TRMT9B: variants seen among roughly 807,000 people sequenced by gnomAD.
TRMT9B encodes tRNA methyltransferase 9B (putative).
TRMT9B carries 16 observed loss-of-function variants against 11.5 expected under a neutral mutation model. The observed-to-expected ratio is 1.39, with a 90% CI of 0.94 to 2.11. The LOEUF is 2.11. Ranked by LOEUF, TRMT9B falls within the 30% of genes most tolerant of loss-of-function variation. The pLI is 0.00. For synonymous variants in TRMT9B, 274 were observed against 192.4 expected (o/e 1.42, Z -3.51); for missense variants, 941 against 553.8 (o/e 1.70, Z -7.02).
intron 2 of TRMT9B, among the ~76,000 whole-genome samples, chr8:13,001,842 G>A (rs1336750720): frequency 6.6e-6 from 1 of 152,144 alleles, no homozygotes; most frequent in Non-Finnish European, 1.5e-5. Context: ...GAATTTGACA[G>A]CACACAGATT....
chr8:12,993,143 A>G (rs1200230513), intron 2 of TRMT9B, among the ~76,000 whole-genome samples: 7 of 152,216 alleles, frequency 4.6e-5, no homozygotes, highest in Non-Finnish European at 8.8e-5. Context: ...GTTGCACGAT[A>G]TAAGACTGCA....
intron 1 of TRMT9B, among the ~76,000 whole-genome samples, chr8:12,985,652 G>T (rs75742474): frequency 6.6e-6 from 1 of 152,202 alleles, no homozygotes; most frequent in East Asian, 1.9e-4. Flanking sequence ...CCTAGTAGGT[G>T]CTTAGTCAAC....
intron 3 of TRMT9B, among the ~76,000 whole-genome samples, chr8:13,008,695 A>T (rs1810962411): frequency 6.6e-6 from 1 of 152,190 alleles, no homozygotes; most frequent in Non-Finnish European, 1.5e-5. Flanking sequence ...AACTAAGTAA[A>T]AATATCTGCA....
rs201998102 is a variant in TRMT9B at position 13,012,681 on chromosome 8, T to C, written c.155-3T>C. 1.1e-4 allele frequency: 175 copies of C among 1,611,078 alleles called. 1 individual carries two copies. In the East Asian group the frequency reaches 3.5e-3, roughly 32 times the overall value. ...GCATGTAACGCAGGTTTTTCTCTTA[T>C]AGGTTGTGGGACTGGAAAATATCTT... On this transcript the variant is annotated splice_region_variant and splice_polypyrimidine_tract_variant and intron_variant, in intron 3 of 4. Transcript: ENST00000524591.
chr8:13,015,652 G>C (rs1250829838), intron 4 of TRMT9B, among the ~76,000 whole-genome samples: 2 of 152,018 alleles, frequency 1.3e-5, no homozygotes, highest in Admixed American at 1.3e-4. Flanking sequence ...CCACGCCCAG[G>C]CTAAATTCCT....
intron 1 of TRMT9B, among the ~76,000 whole-genome samples, chr8:12,989,886 C>T (rs1423638208): frequency 6.6e-6 from 1 of 152,110 alleles, no homozygotes; most frequent in African/African-American, 2.4e-5. Flanking sequence ...AGATCATGTG[C>T]CTACATATGA....
At chr8:12,961,842 A>G (rs1802157101) in intron 1 of TRMT9B, 1 of 152,256 alleles carries the variant, frequency 6.6e-6, no homozygotes, top group African/African-American at 2.4e-5. Context: ...CAGAGGAAAC[A>G]TCTAATCAGC....
At chr8:12,966,842 G>T (rs1185467134) in intron 1 of TRMT9B, among the ~76,000 whole-genome samples, 1 of 152,172 alleles carries the variant, frequency 6.6e-6, no homozygotes, top group Non-Finnish European at 1.5e-5. Flanking sequence ...CAGTGGGGAA[G>T]TCTGCAGGCC....
intron 1 of TRMT9B, among the ~76,000 whole-genome samples, chr8:12,989,750 C>T (rs1259841895): frequency 6.6e-6 from 1 of 152,218 alleles, no homozygotes; most frequent in African/African-American, 2.4e-5. Flanking sequence ...TAGCAAACAT[C>T]ATCTCTCTTA....
intron 1 of TRMT9B, among the ~76,000 whole-genome samples, chr8:12,985,489 G>T (rs1206816001): frequency 1.3e-5 from 2 of 152,144 alleles, no homozygotes; most frequent in Non-Finnish European, 2.9e-5. Context: ...AATATTGCTT[G>T]CTGTCTATAC....
intron 1 of TRMT9B, among the ~76,000 whole-genome samples, chr8:12,976,101 G>C (rs1269824114): frequency 6.6e-6 from 1 of 152,216 alleles, no homozygotes; most frequent in African/African-American, 2.4e-5. Flanking sequence ...CCCCAGGGAA[G>C]CTCCACCATG....
Position 13,028,562 on chromosome 8 carries a change from C to CTCTTTTCTTTTTTCTTT in TRMT9B, c.*6529_*6530insTTCTTTTCTTTTCTTTT, listed in dbSNP as rs71207113. The CTCTTTTCTTTTTTCTTT allele has an allele frequency of 2.5e-5, 3 of 122,238 alleles. No individual in the cohort carries two copies. The highest frequency in any genetic ancestry group is 1.8e-5 in the Non-Finnish European group (1 of 56,740). The allele number at this position is 122,238 out of a possible 1,614,324, so 7.6% of individuals were successfully genotyped here. A position where few individuals can be genotyped will look rare whatever the true frequency, so the allele number is the denominator to read the frequency against. Reference sequence around the variant, plus strand: ...ATTTGGCTAAGTGATAAGCACTTTTCTCTTTTCTTTTCTTTTTTTTTTTTT... The same window carrying CTCTTTTCTTTTTTCTTT: ...ATTTGGCTAAGTGATAAGCACTTTTCTCTTTTCTTTTTTCTTTTCTTTTCTTTTCTTTTTTTTTTTTT... On this transcript the variant is annotated 3_prime_UTR_variant, in exon 5 of 5. Coordinates refer to ENST00000524591, the MANE Select transcript of TRMT9B (RefSeq NM_020844.3).
chr8:12,950,641 CA>C (rs1460676776), intron 1 of TRMT9B, among the ~76,000 whole-genome samples: 1 of 152,010 alleles, frequency 6.6e-6, no homozygotes, highest in Non-Finnish European at 1.5e-5. Context: ...GAAGCCCAAA[CA>C]AAGGTTTCCC....
intron 4 of TRMT9B, among the ~76,000 whole-genome samples, chr8:13,018,971 G>A (rs1299820925): frequency 6.6e-6 from 1 of 152,112 alleles, no homozygotes; most frequent in Non-Finnish European, 1.5e-5. Context: ...TACAGTATTA[G>A]AGTTGAAATA....
chr8:12,953,346 ATTTG>A (rs1351849941), intron 1 of TRMT9B, among the ~76,000 whole-genome samples: 1 of 151,922 alleles, frequency 6.6e-6, no homozygotes, highest in South Asian at 2.1e-4. Context: ...TTTATTATTT[ATTTG>A]TTTGTTTGTT....
intron 1 of TRMT9B, among the ~76,000 whole-genome samples, chr8:12,973,545 C>T (rs1803955659): frequency 2.0e-5 from 3 of 152,152 alleles, no homozygotes; most frequent in Non-Finnish European, 4.4e-5. Context: ...AGAACAAAGG[C>T]ACTTGTTTTC....
intron 2 of TRMT9B, among the ~76,000 whole-genome samples, chr8:13,001,926 C>T (rs1230241316): frequency 6.6e-6 from 1 of 152,114 alleles, no homozygotes; most frequent in East Asian, 1.9e-4. Flanking sequence ...TAGTACTAGT[C>T]TTATTAGCTT....
intron 1 of TRMT9B, among the ~76,000 whole-genome samples, chr8:12,989,023 G>C (rs1307988801): frequency 6.6e-6 from 1 of 152,120 alleles, no homozygotes; most frequent in Middle Eastern, 3.2e-3. Flanking sequence ...ATCTGCCAGA[G>C]ATTCAGTTAA....
chr8:12,979,132 G>A (rs1413971073), intron 1 of TRMT9B, among the ~76,000 whole-genome samples: 1 of 152,160 alleles, frequency 6.6e-6, no homozygotes, highest in African/African-American at 2.4e-5. Context: ...CCCTCTGGCG[G>A]GGGAATGGCA....
Sources: allele counts gnomAD v4.1 joint callset (sites outside exome capture counted in the v4.1 genomes callset), GRCh38; gene constraint gnomAD v4.1.1; transcripts MANE v1.5; gene names NCBI Gene and HGNC (gene_info 2026-07-23, HGNC 2026-07-21).